PIGK: variants seen among roughly 807,000 people sequenced by gnomAD.
PIGK encodes the protein GPI-anchor transamidase.
PIGK carries 42 observed loss-of-function variants against 50.6 expected under a neutral mutation model. The observed-to-expected ratio is 0.83, with a 90% CI of 0.65 to 1.07. PIGK has a LOEUF of 1.07. Ranked by LOEUF, PIGK falls within the 50% of genes least tolerant of loss-of-function variation. The pLI is 0.00. For synonymous variants in PIGK, 151 were observed against 156.0 expected (o/e 0.97, Z 0.24); for missense variants, 448 against 488.7 (o/e 0.92, Z 0.78).
intron 2 of PIGK, among the ~76,000 whole-genome samples, chr1:77,208,537 G>A (rs1656344241): frequency 6.6e-6 from 1 of 152,074 alleles, no homozygotes; most frequent in African/African-American, 2.4e-5. Context: ...ACATGGAGGG[G>A]CTCCTAGTTT....
intron 1 of PIGK, among the ~76,000 whole-genome samples, chr1:77,214,456 C>G (rs1656503625): frequency 6.6e-6 from 1 of 152,004 alleles, no homozygotes; most frequent in Non-Finnish European, 1.5e-5. Flanking sequence ...TTCAACATCC[C>G]CTCACGATAA....
intron 3 of PIGK, among the ~76,000 whole-genome samples, chr1:77,204,573 C>T (rs561124430): frequency 4.2e-4 from 64 of 152,202 alleles, no homozygotes; most frequent in Admixed American, 9.8e-4. Flanking sequence ...GCTGGTTTTG[C>T]GGCTCAGGGG....
chr1:77,167,158 T>G (rs4949772), intron 4 of PIGK, among the ~76,000 whole-genome samples: 2 of 151,962 alleles, frequency 1.3e-5, no homozygotes, highest in African/African-American at 4.8e-5. Context: ...CTAAGCAACA[T>G]AGTGAGACCC....
chr1:77,218,862 G>A (rs1176126178), intron 1 of PIGK, among the ~76,000 whole-genome samples: 1 of 152,074 alleles, frequency 6.6e-6, no homozygotes, highest in African/African-American at 2.4e-5. Context: ...AGAAACTTGA[G>A]AGTTTTAATA....
intron 7 of PIGK, 75 bp from the exon 8 acceptor site, chr1:77,161,480 C>T (rs1655126198): frequency 1.1e-5 from 11 of 1,019,980 alleles, no homozygotes; most frequent in Non-Finnish European, 1.7e-5. Flanking sequence ...CCAAAATTTC[C>T]TTCTAATGTA....
At chr1:77,192,905 A>G (rs1655942559) in intron 3 of PIGK, among the ~76,000 whole-genome samples, 1 of 152,146 alleles carries the variant, frequency 6.6e-6, no homozygotes, top group Admixed American at 6.5e-5. Flanking sequence ...TGAAAAGTTG[A>G]CAGGTTCTGA....
intron 10 of PIGK, among the ~76,000 whole-genome samples, chr1:77,122,026 C>T (rs1270214514): frequency 6.6e-6 from 1 of 152,060 alleles, no homozygotes; most frequent in East Asian, 1.9e-4. Context: ...AAATAATGCA[C>T]AAAAGATAAT....
intron 3 of PIGK, among the ~76,000 whole-genome samples, chr1:77,189,245 CTTA>C (rs1237241771): frequency 1.3e-5 from 2 of 152,102 alleles, no homozygotes; most frequent in Non-Finnish European, 2.9e-5. Flanking sequence ...AGGCAAAAGA[CTTA>C]TTATTGTCTT....
intron 9 of PIGK, among the ~76,000 whole-genome samples, chr1:77,147,324 T>C (rs567764066): frequency 3.3e-4 from 49 of 150,606 alleles, no homozygotes; most frequent in Non-Finnish European, 6.2e-4. Context: ...AAGATGAGAT[T>C]TGGGTGGGGA....
intron 3 of PIGK, among the ~76,000 whole-genome samples, chr1:77,185,502 TA>T (rs1395487829): frequency 1.3e-5 from 2 of 152,066 alleles, no homozygotes; most frequent in African/African-American, 4.8e-5. Context: ...ATATTTCGTC[TA>T]AGGTGAAGGA....
intron 3 of PIGK, among the ~76,000 whole-genome samples, chr1:77,189,774 CACAGATAT>C (rs1655855576): frequency 7.2e-6 from 1 of 139,512 alleles, no homozygotes; most frequent in Non-Finnish European, 1.5e-5. Flanking sequence ...CACACACACA[CACAGATAT>C]ACAGATATAC....
At chr1:77,218,491 G>C (rs1463784739) in intron 1 of PIGK, among the ~76,000 whole-genome samples, 1 of 152,196 alleles carries the variant, frequency 6.6e-6, no homozygotes, top group Non-Finnish European at 1.5e-5. Flanking sequence ...CAGGTTTCTA[G>C]CTTAGGAGCA....
rs961237631 is a variant in PIGK at position 77,166,768 on chromosome 1, T to C, written c.438A>G (p.Ser146=). 1.2e-6 allele frequency: 2 copies of C among 1,601,722 alleles called. No individual in the cohort carries two copies. The highest frequency in any genetic ancestry group is 1.7e-6 in the Non-Finnish European group (2 of 1,172,896). Reference sequence around the variant, plus strand: ...TTCTGTCATCAGAAAGAAGACGTTTTGACCGAGGAGTACTAGGTGGGATCC... The same window carrying C: ...TTCTGTCATCAGAAAGAAGACGTTTCGACCGAGGAGTACTAGGTGGGATCC... The part of the protein sequence containing the change: ...TGRIPPSTPR[S]KRLLSDDRSN... Residue 146 remains serine (S), a synonymous_variant, in exon 5 of 11, where the codon TCA becomes TCG. Coordinates refer to ENST00000370812, the MANE Select transcript of PIGK (RefSeq NM_005482.3).
intron 3 of PIGK, among the ~76,000 whole-genome samples, chr1:77,181,467 ATGT>A (rs1655612817): frequency 6.6e-6 from 1 of 152,180 alleles, no homozygotes; most frequent in African/African-American, 2.4e-5. Flanking sequence ...ATTGGTTAAA[ATGT>A]TTTTAAACTG....
At position 77,195,232 on chromosome 1, in the gene PIGK, G is replaced by C; in HGVS notation, c.239+11408C>G. ...AGGTGCTGGACTTTTCTTACTGGCA[G>C]GGCGACCTGCAGCTGTGGAGACCTT... On this transcript the variant is annotated intron_variant, in intron 3 of 10. Transcript: ENST00000370812. 2.4e-6 allele frequency: 3 copies of C among 1,238,900 alleles called. 1 individual carries two copies. The South Asian group carries it at 3.6e-5, about 15-fold the overall frequency. The allele number at this position is 1,238,900 out of a possible 1,614,324, so 76.7% of individuals were successfully genotyped here. A position where few individuals can be genotyped will look rare whatever the true frequency, so the allele number is the denominator to read the frequency against.
At chr1:77,192,010 C>G (rs555677566) in intron 3 of PIGK, among the ~76,000 whole-genome samples, 1 of 152,262 alleles carries the variant, frequency 6.6e-6, no homozygotes, top group African/African-American at 2.4e-5. Flanking sequence ...GTTAATTTCA[C>G]TTTTGTCCCA....
chr1:77,143,967 C>A (rs941323897), intron 9 of PIGK, among the ~76,000 whole-genome samples: 9 of 151,906 alleles, frequency 5.9e-5, no homozygotes, highest in African/African-American at 1.2e-4. Context: ...GCTTTCTAAG[C>A]AAAATAAAAA....
At chr1:77,145,528 A>G (rs1654749670) in intron 9 of PIGK, among the ~76,000 whole-genome samples, 1 of 152,066 alleles carries the variant, frequency 6.6e-6, no homozygotes, top group Non-Finnish European at 1.5e-5. Flanking sequence ...ATAAAACAAT[A>G]TAGAGAAATT....
intron 3 of PIGK, among the ~76,000 whole-genome samples, chr1:77,178,960 AAG>A (rs1439322985): frequency 6.6e-6 from 1 of 152,234 alleles, no homozygotes; most frequent in East Asian, 1.9e-4. Flanking sequence ...CCTGACTAAA[AAG>A]GGGAAATTTT....
Sources: gnomAD v4.1 joint callset for allele counts (sites outside exome capture counted in the v4.1 genomes callset) on GRCh38, gnomAD v4.1.1 for gene constraint, MANE v1.5 for transcripts, NCBI Gene and HGNC (gene_info 2026-07-23, HGNC 2026-07-21) for gene names.